Variants in ASIC2 observed in about 807,000 individuals in gnomAD.
ASIC2 encodes acid-sensing ion channel 2.
In ASIC2, 25 loss-of-function variants were observed where a neutral mutation model predicts 57.3. The observed-to-expected ratio is 0.44, with a 90% confidence interval of 0.32 to 0.61. The LOEUF (loss-of-function observed/expected upper bound fraction) is 0.61. Ranked by LOEUF, ASIC2 falls within the 20% of genes least tolerant of loss-of-function variation. The pLI is 0.06. For missense variants in ASIC2, 641 were observed against 738.1 expected (o/e 0.87, Z 1.52); for synonymous variants, 319 against 307.5 (o/e 1.04, Z -0.39).
At chr17:33,822,642 T>A (rs1194039459) in intron 1 of ASIC2, among the ~76,000 whole-genome samples, 1 of 152,190 alleles carries the variant, frequency 6.6e-6, no homozygotes, top group Non-Finnish European at 1.5e-5. Context: ...ATAACTATGT[T>A]TATTCTTGCT....
rs1326283139 is a variant in ASIC2 at position 33,810,150 on chromosome 17, A to G, written c.555+345828T>C. The stretch of plus-strand genomic sequence containing the variant: ...TGTGAAATATTGTTTAAACTCATTC[A>G]TAGGTTAGTAGGAGGCAGTTTATGG... On this transcript the variant is annotated intron_variant, in intron 1 of 9. Coordinates refer to the ASIC2 transcript ENST00000359872. Among the ~76,000 whole-genome samples the G allele has an allele frequency of 3.3e-5, 5 of 152,346 alleles. No homozygotes were observed. In the South Asian group the frequency reaches 6.2e-4, roughly 19 times the overall value.
At chr17:33,742,474 T>C (rs569717896) in intron 1 of ASIC2, among the ~76,000 whole-genome samples, 1 of 152,358 alleles carries the variant, frequency 6.6e-6, no homozygotes, top group African/African-American at 2.4e-5. Context: ...AATTGGCTTG[T>C]GGACATTTTG....
chr17:33,656,444 G>T (rs1036334123), intron 1 of ASIC2, among the ~76,000 whole-genome samples: 2 of 152,122 alleles, frequency 1.3e-5, no homozygotes, highest in African/African-American at 4.8e-5. Context: ...AATGGCCTAA[G>T]ACCAACACGT....
intron 1 of ASIC2, among the ~76,000 whole-genome samples, chr17:33,683,505 G>A (rs1908076393): frequency 2.6e-5 from 4 of 152,204 alleles, no homozygotes; most frequent in African/African-American, 4.8e-5. Flanking sequence ...CCAAGTAGGT[G>A]GGTCTATAGG....
At chr17:34,052,670 G>T (rs1255006209) in intron 1 of ASIC2, among the ~76,000 whole-genome samples, 1 of 150,952 alleles carries the variant, frequency 6.6e-6, no homozygotes, top group Non-Finnish European at 1.5e-5. Context: ...AGGCTGGAGT[G>T]CAATGGCGTG....
At chr17:33,995,447 A>G (rs1028018601) in intron 1 of ASIC2, among the ~76,000 whole-genome samples, 3 of 152,106 alleles carry the variant, frequency 2.0e-5, no homozygotes, top group Non-Finnish European at 1.5e-5. Context: ...GGCTCCTTCC[A>G]TAATGAACTA....
intron 1 of ASIC2, among the ~76,000 whole-genome samples, chr17:33,676,588 T>A (rs1907829420): frequency 6.6e-6 from 1 of 152,208 alleles, no homozygotes; most frequent in African/African-American, 2.4e-5. Flanking sequence ...CTAACCCACT[T>A]CAATTCTATA....
chr17:33,887,479 G>T (rs952625184), intron 1 of ASIC2, among the ~76,000 whole-genome samples: 1 of 152,176 alleles, frequency 6.6e-6, no homozygotes, highest in African/African-American at 2.4e-5. Context: ...GTGAACAGGA[G>T]CTTACTGTGC....
At chr17:33,646,727 T>C (rs1442157920) in intron 1 of ASIC2, among the ~76,000 whole-genome samples, 2 of 152,214 alleles carry the variant, frequency 1.3e-5, no homozygotes, top group South Asian at 4.1e-4. Flanking sequence ...TGAGGGATCA[T>C]CCCTGTAATA....
chr17:33,700,104 A>G (rs1452552695), intron 1 of ASIC2, among the ~76,000 whole-genome samples: 2 of 152,178 alleles, frequency 1.3e-5, no homozygotes, highest in African/African-American at 4.8e-5. Flanking sequence ...TTGGATATAG[A>G]ATATGAGTCC....
chr17:34,015,462 T>C (rs191144672), intron 1 of ASIC2, among the ~76,000 whole-genome samples: 1 of 152,324 alleles, frequency 6.6e-6, no homozygotes, highest in Admixed American at 6.5e-5. Context: ...TGGAGTGCCA[T>C]CCGGCCAGGC....
At chr17:34,097,565 T>C (rs956170039) in intron 1 of ASIC2, among the ~76,000 whole-genome samples, 1 of 152,198 alleles carries the variant, frequency 6.6e-6, no homozygotes, top group African/African-American at 2.4e-5. Flanking sequence ...ATAGGGCTGA[T>C]GTTCTTGTGA....
intron 1 of ASIC2, among the ~76,000 whole-genome samples, chr17:33,521,352 C>G (rs1033952421): frequency 5.3e-5 from 8 of 152,198 alleles, no homozygotes; most frequent in African/African-American, 1.9e-4. Flanking sequence ...GATAATGCGC[C>G]TGCCACTCGG....
chr17:34,046,372 G>A (rs574326315), intron 1 of ASIC2, among the ~76,000 whole-genome samples: 1 of 152,302 alleles, frequency 6.6e-6, no homozygotes, highest in Non-Finnish European at 1.5e-5. Context: ...TTAGAGGTTT[G>A]GATTAGGGTT....
intron 1 of ASIC2, chr17:34,041,301 G>C (rs1271093951): frequency 6.6e-6 from 1 of 152,098 alleles, no homozygotes; most frequent in Non-Finnish European, 1.5e-5. Flanking sequence ...ACTGGTTGGA[G>C]AGCCCAGGAG....
At chr17:33,880,606 G>C (rs1018760538) in intron 1 of ASIC2, among the ~76,000 whole-genome samples, 1 of 151,988 alleles carries the variant, frequency 6.6e-6, no homozygotes, top group African/African-American at 2.4e-5. Flanking sequence ...GAAATTGAGG[G>C]AATAATTAAT....
intron 3 of ASIC2, among the ~76,000 whole-genome samples, chr17:33,040,918 A>C (rs1245456975): frequency 6.6e-6 from 1 of 152,166 alleles, no homozygotes; most frequent in Non-Finnish European, 1.5e-5. Context: ...TGTTAGCCCA[A>C]CCAGCTGAGT....
At chr17:33,380,629 A>G (rs1909453684) in intron 1 of ASIC2, among the ~76,000 whole-genome samples, 1 of 152,180 alleles carries the variant, frequency 6.6e-6, no homozygotes, top group Non-Finnish European at 1.5e-5. Flanking sequence ...TCAGCTTTTC[A>G]GTGGTTGATC....
intron 3 of ASIC2, among the ~76,000 whole-genome samples, chr17:33,056,789 A>G (rs2091999829): frequency 6.6e-6 from 1 of 152,226 alleles, no homozygotes; most frequent in Non-Finnish European, 1.5e-5. Flanking sequence ...TGTCATCAGA[A>G]GGAGCTGAGC....
Sources: gnomAD v4.1 joint callset for allele counts (sites outside exome capture counted in the v4.1 genomes callset) on GRCh38, gnomAD v4.1.1 for gene constraint, MANE v1.5 for transcripts, NCBI Gene and HGNC (gene_info 2026-07-23, HGNC 2026-07-21) for gene names.